The following DTNA variants were observed in gnomAD, a reference collection of about 807,000 sequenced individuals.
DTNA encodes dystrobrevin alpha.
Under a neutral mutation model 100.7 loss-of-function variants are expected in DTNA, and 43 were observed. The observed-to-expected ratio is 0.43, with a 90% CI of 0.33 to 0.55. The LOEUF (loss-of-function observed/expected upper bound fraction) is 0.55. DTNA is among the 20% of genes least tolerant of loss of function. The pLI, the probability that DTNA is intolerant of heterozygous loss-of-function variation, is 0.04. For missense variants in DTNA, 798 were observed against 953.9 expected (o/e 0.84, Z 2.15); for synonymous variants, 349 against 347.9 (o/e 1.00, Z -0.04).
At chr18:34,661,374 T>C (rs2075159795) in intron 1 of DTNA, among the ~76,000 whole-genome samples, 1 of 152,228 alleles carries the variant, frequency 6.6e-6, no homozygotes, top group African/African-American at 2.4e-5. Context: ...TATGTATTGA[T>C]GGCCCTGCCT....
At chr18:34,825,173 TG>T (rs1360692283) in intron 9 of DTNA, 21 of 1,525,058 alleles carry the variant, frequency 1.4e-5, no homozygotes, top group Non-Finnish European at 1.7e-5. Flanking sequence ...GGTGACATTT[TG>T]GTATTTTGAC....
At chr18:34,776,697 A>G (rs1568484761) in intron 3 of DTNA, among the ~76,000 whole-genome samples, 1 of 152,210 alleles carries the variant, frequency 6.6e-6, no homozygotes, top group Non-Finnish European at 1.5e-5. Flanking sequence ...ATCTAAACCC[A>G]GATTAGATCT....
chr18:34,506,444 G>A, intron 1 of DTNA, among the ~76,000 whole-genome samples: 1 of 152,158 alleles, frequency 6.6e-6, no homozygotes, highest in Admixed American at 6.5e-5. Flanking sequence ...AGAAGTTGGG[G>A]TGTCTTGTTA....
At chr18:34,663,522 G>T (rs2075487357) in intron 1 of DTNA, among the ~76,000 whole-genome samples, 1 of 152,176 alleles carries the variant, frequency 6.6e-6, no homozygotes, top group Non-Finnish European at 1.5e-5. Flanking sequence ...TTTGAAATAT[G>T]TTGAGGTGCG....
chr18:34,638,487 G>GT (rs1338467514), intron 1 of DTNA, among the ~76,000 whole-genome samples: 2 of 152,132 alleles, frequency 1.3e-5, no homozygotes, highest in Non-Finnish European at 2.9e-5. Flanking sequence ...TTTCTGGTTG[G>GT]TACCCTACAC....
chr18:34,777,798 G>A (rs1197284744), intron 3 of DTNA, among the ~76,000 whole-genome samples: 2 of 152,108 alleles, frequency 1.3e-5, no homozygotes, highest in African/African-American at 2.4e-5. Flanking sequence ...TCCCTCACTT[G>A]GCACATAGGG....
intron 11 of DTNA, among the ~76,000 whole-genome samples, chr18:34,834,043 C>T (rs1471119546): frequency 2.0e-5 from 3 of 152,192 alleles, no homozygotes; most frequent in Non-Finnish European, 1.5e-5. Flanking sequence ...TCCATGCAAA[C>T]TTCCAAGCTA....
At chr18:34,748,109 T>C (rs1455007890) in intron 1 of DTNA, among the ~76,000 whole-genome samples, 1 of 152,232 alleles carries the variant, frequency 6.6e-6, no homozygotes, top group Admixed American at 6.5e-5. Context: ...TATCTTCTTT[T>C]GAGAATTGTC....
rs2045515421 is a variant in DTNA at position 34,552,321 on chromosome 18, T to G, written c.-2+58807T>G. On this transcript the variant is annotated intron_variant, in intron 1 of 19. Coordinates refer to the DTNA transcript ENST00000283365. ...ACAAAAAAAGCCCCTGAGTTATAGA[T>G]CACTATGTCATCACGGGCCCAGTTG... Among the ~76,000 whole-genome samples the G allele has an allele frequency of 2.0e-5, 3 of 152,096 alleles. No homozygotes were observed. In the South Asian group the frequency reaches 6.2e-4, roughly 32 times the overall value.
intron 1 of DTNA, among the ~76,000 whole-genome samples, chr18:34,506,746 G>A (rs2040531658): frequency 6.6e-6 from 1 of 152,134 alleles, no homozygotes; most frequent in Non-Finnish European, 1.5e-5. Context: ...TCACCATCAT[G>A]TCATTCCTTG....
At chr18:34,648,511 T>G (rs8089375) in intron 1 of DTNA, among the ~76,000 whole-genome samples, 8,672 of 152,218 alleles carry the variant, frequency 0.057, 742 homozygotes, top group African/African-American at 0.19. Flanking sequence ...ATTTTGTAGA[T>G]AAAGGGAAAT....
chr18:34,586,067 C>T (rs1328760444), intron 1 of DTNA, among the ~76,000 whole-genome samples: 2 of 152,178 alleles, frequency 1.3e-5, no homozygotes, highest in Non-Finnish European at 2.9e-5. Context: ...ACACCTGTTA[C>T]TGCTAAAGGA....
At chr18:34,852,019 C>T in intron 15 of DTNA, 91 bp downstream of exon 15, 2 of 1,256,306 alleles carry the variant, frequency 1.6e-6, no homozygotes, top group African/African-American at 3.0e-5. Flanking sequence ...GGGCTTTACA[C>T]CCTGTATGGC....
intron 11 of DTNA, 52 bp from the exon 12 acceptor site, chr18:34,838,042 G>C: frequency 3.3e-6 from 5 of 1,535,694 alleles, no homozygotes; most frequent in Non-Finnish European, 4.5e-6. Flanking sequence ...TTCTATTCTT[G>C]AATGCATTGC....
At chr18:34,573,705 G>A (rs2047824575) in intron 1 of DTNA, among the ~76,000 whole-genome samples, 1 of 152,060 alleles carries the variant, frequency 6.6e-6, no homozygotes, top group African/African-American at 2.4e-5. Context: ...CATTTTTTGT[G>A]GTGAGAACAC....
chr18:34,777,762 GA>G (rs1309296803), intron 3 of DTNA, among the ~76,000 whole-genome samples: 2 of 152,146 alleles, frequency 1.3e-5, no homozygotes, highest in Non-Finnish European at 2.9e-5. Flanking sequence ...CAGCATGGGG[GA>G]AACTGCCCCC....
intron 17 of DTNA, among the ~76,000 whole-genome samples, chr18:34,872,149 G>A (rs1373606380): frequency 6.6e-6 from 1 of 152,174 alleles, no homozygotes; most frequent in African/African-American, 2.4e-5. Flanking sequence ...CCACAGAAAG[G>A]AGTAGCAAAA....
rs8084007 is a variant in DTNA at position 34,538,223 on chromosome 18, G to A, written c.-2+44709G>A. ...CTAACCTAACTATCAAATTGTTGACGCAGATTCTCAGGCCACAACCCAGAC... is the reference window on the plus strand; with the variant it reads ...CTAACCTAACTATCAAATTGTTGACACAGATTCTCAGGCCACAACCCAGAC... On this transcript the variant is annotated intron_variant, in intron 1 of 19. Transcript: ENST00000283365. Among the ~76,000 whole-genome samples, 1,426 of 152,132 alleles carry A rather than the reference G, an allele frequency of 9.4e-3. 25 individuals are homozygous for A. The highest frequency in any genetic ancestry group is 0.033 in the African/African-American group (1,364 of 41,538).
chr18:34,552,698 G>A (rs915172057), intron 1 of DTNA, among the ~76,000 whole-genome samples: 2 of 151,680 alleles, frequency 1.3e-5, no homozygotes, highest in African/African-American at 2.4e-5. Context: ...CCCTACAAAG[G>A]ACATGAACTC....
Sources: allele counts gnomAD v4.1 joint callset (sites outside exome capture counted in the v4.1 genomes callset), GRCh38; gene constraint gnomAD v4.1.1; transcripts MANE v1.5; gene names NCBI Gene and HGNC (gene_info 2026-07-23, HGNC 2026-07-21).